Variants in DNAH9 observed in about 807,000 individuals in gnomAD.
DNAH9 encodes dynein axonemal heavy chain 9.
In DNAH9, 345 loss-of-function variants were observed where a neutral mutation model predicts 471.6. The observed-to-expected ratio is 0.73, with a 90% CI of 0.67 to 0.80. The LOEUF (loss-of-function observed/expected upper bound fraction) is 0.80. Among genes scored for constraint, DNAH9 ranks in the 30% least tolerant of loss-of-function variants. DNAH9 has a pLI of 0.00. For synonymous variants in DNAH9, 2,093 were observed against 2,123.6 expected (o/e 0.99, Z 0.40); for missense variants, 5,407 against 5,609.2 (o/e 0.96, Z 1.15).
chr17:11,678,942 AG>A (rs779882970), intron 17 of DNAH9, among the ~76,000 whole-genome samples: 6 of 152,038 alleles, frequency 3.9e-5, no homozygotes, highest in Non-Finnish European at 7.4e-5. Flanking sequence ...TCTACCCTGC[AG>A]TTTAGAAACT....
intron 52 of DNAH9, among the ~76,000 whole-genome samples, chr17:11,873,114 T>C (rs1972347472): frequency 6.6e-6 from 1 of 152,228 alleles, no homozygotes; most frequent in South Asian, 2.1e-4. Context: ...CCGTAGTTTT[T>C]AAAATGCTAG....
intron 36 of DNAH9, among the ~76,000 whole-genome samples, chr17:11,765,450 ACTT>A (rs1208914719): frequency 6.6e-6 from 1 of 152,216 alleles, no homozygotes; most frequent in African/African-American, 2.4e-5. Context: ...TTTGCAATTA[ACTT>A]CTTTTTCATT....
chr17:11,819,830 TAAAAC>T (rs920715428), intron 45 of DNAH9, among the ~76,000 whole-genome samples: 1 of 152,182 alleles, frequency 6.6e-6, no homozygotes, highest in African/African-American at 2.4e-5. Context: ...CTAAAAGCAA[TAAAAC>T]AAACAACTTG....
At chr17:11,943,759 C>G (rs1975022405) in intron 67 of DNAH9, among the ~76,000 whole-genome samples, 1 of 152,074 alleles carries the variant, frequency 6.6e-6, no homozygotes, top group African/African-American at 2.4e-5. Context: ...TCCACCGCAC[C>G]TCAACATGGG....
chr17:11,815,176 T>G (rs1970052830), intron 45 of DNAH9, among the ~76,000 whole-genome samples: 1 of 140,610 alleles, frequency 7.1e-6, no homozygotes, highest in South Asian at 2.5e-4. Context: ...CAGACTTTTC[T>G]TTTCCTTTTG....
At chr17:11,819,973 A>G (rs1260253419) in intron 45 of DNAH9, among the ~76,000 whole-genome samples, 1 of 152,146 alleles carries the variant, frequency 6.6e-6, no homozygotes, top group African/African-American at 2.4e-5. Context: ...GGCCTCCTAT[A>G]TAATGATAAC....
intron 10 of DNAH9, among the ~76,000 whole-genome samples, chr17:11,643,842 C>T (rs2073325891): frequency 6.6e-6 from 1 of 152,148 alleles, no homozygotes. Flanking sequence ...AGTGACTGTC[C>T]TGAGTATTGC....
At chr17:11,906,519 C>A (rs901631486) in intron 61 of DNAH9, among the ~76,000 whole-genome samples, 1 of 150,872 alleles carries the variant, frequency 6.6e-6, no homozygotes. Context: ...CCCAGCTACT[C>A]GGGAAGCTGA....
intron 54 of DNAH9, 25 bp from the exon 55 acceptor site, chr17:11,881,184 C>T (rs377715602): frequency 6.2e-7 from 1 of 1,613,128 alleles, no homozygotes; most frequent in African/African-American, 1.3e-5. Context: ...GGCACCTTAC[C>T]TTCACATGAG....
intron 63 of DNAH9, among the ~76,000 whole-genome samples, 153 bp from the exon 64 acceptor site, chr17:11,931,861 G>A (rs956659380): frequency 1.3e-5 from 2 of 151,950 alleles, no homozygotes; most frequent in Non-Finnish European, 2.9e-5. Context: ...CCTTCCACAC[G>A]TTCCCCCCAG....
At chr17:11,794,985 A>C (rs2150910002) in intron 42 of DNAH9, among the ~76,000 whole-genome samples, 1 of 152,234 alleles carries the variant, frequency 6.6e-6, no homozygotes, top group Non-Finnish European at 1.5e-5. Context: ...ATGATGAGTT[A>C]ATAGGTGCAG....
At chr17:11,715,613 A>G (rs1176389520) in intron 26 of DNAH9, among the ~76,000 whole-genome samples, 3 of 152,092 alleles carry the variant, frequency 2.0e-5, no homozygotes, top group Non-Finnish European at 4.4e-5. Context: ...ATCAATCCAT[A>G]TCCATGTTGG....
chr17:11,722,459 C>A (rs1051197496), intron 27 of DNAH9, among the ~76,000 whole-genome samples: 1 of 152,090 alleles, frequency 6.6e-6, no homozygotes, highest in African/African-American at 2.4e-5. Flanking sequence ...GAATGAGGAA[C>A]CAGCTGATGT....
intron 65 of DNAH9, among the ~76,000 whole-genome samples, chr17:11,935,983 A>G (rs950293978): frequency 1.3e-5 from 2 of 152,218 alleles, no homozygotes; most frequent in Admixed American, 6.5e-5. Flanking sequence ...CCTAGTGTCC[A>G]TGGGATAATT....
chr17:11,613,169 T>C (rs961934470), intron 4 of DNAH9, among the ~76,000 whole-genome samples: 1 of 152,178 alleles, frequency 6.6e-6, no homozygotes, highest in Non-Finnish European at 1.5e-5. Flanking sequence ...ACCAAGTGTC[T>C]CTTGAGGCTC....
intron 4 of DNAH9, chr17:11,612,006 A>G (rs954801864): frequency 8.2e-6 from 5 of 606,550 alleles, no homozygotes; most frequent in Non-Finnish European, 1.2e-5. Flanking sequence ...AAATTCACCT[A>G]GCCCCTCTGA....
chr17:11,772,849 A>G (rs577084187), intron 38 of DNAH9, among the ~76,000 whole-genome samples: 24 of 152,334 alleles, frequency 1.6e-4, no homozygotes, highest in African/African-American at 5.5e-4. Flanking sequence ...AGCAGCATAT[A>G]TGTTACAACA....
chr17:11,966,257 T>C (rs905254205), intron 68 of DNAH9, among the ~76,000 whole-genome samples: 2 of 152,182 alleles, frequency 1.3e-5, no homozygotes, highest in Non-Finnish European at 1.5e-5. Context: ...ATGAGAGTAA[T>C]AGCTGATTGC....
chr17:11,664,544 G>A (rs1347407080), intron 14 of DNAH9, among the ~76,000 whole-genome samples: 1 of 152,164 alleles, frequency 6.6e-6, no homozygotes, highest in Non-Finnish European at 1.5e-5. Flanking sequence ...CCAGCACTTA[G>A]GAAGCACACA....
Sources: gnomAD v4.1 joint callset for allele counts (sites outside exome capture counted in the v4.1 genomes callset) on GRCh38, gnomAD v4.1.1 for gene constraint, MANE v1.5 for transcripts, NCBI Gene and HGNC (gene_info 2026-07-23, HGNC 2026-07-21) for gene names.